The following MIA2 variants were observed in gnomAD, a reference collection of about 807,000 sequenced individuals.
MIA2 encodes MIA SH3 domain ER export factor 2.
In MIA2, 127 loss-of-function variants were observed where a neutral mutation model predicts 167.8. The observed-to-expected ratio is 0.76, with a 90% confidence interval of 0.66 to 0.88. The LOEUF is 0.88. Ranked by LOEUF, MIA2 falls within the 40% of genes least tolerant of loss-of-function variation. MIA2 has a pLI of 0.00. For missense variants in MIA2, 1,690 were observed against 1,624.7 expected (o/e 1.04, Z -0.69); for synonymous variants, 552 against 541.9 (o/e 1.02, Z -0.26).
intron 9 of MIA2, among the ~76,000 whole-genome samples, chr14:39,288,464 TATATATATA>T (rs1160520904): frequency 1.3e-4 from 4 of 30,400 alleles, no homozygotes; most frequent in African/African-American, 2.8e-4. Context: ...TATATATATA[TATATATATA>T]TATTTTTTTT....
chr14:39,305,501 G>A (rs1566841266), intron 17 of MIA2, among the ~76,000 whole-genome samples: 1 of 151,904 alleles, frequency 6.6e-6, no homozygotes. Context: ...ATCTAACTTT[G>A]TTTTTTTAAT....
At chr14:39,268,910 A>T in intron 6 of MIA2, 1 of 746,528 alleles carries the variant, frequency 1.3e-6, no homozygotes, top group Non-Finnish European at 1.6e-6. Context: ...TAGGGTTTTT[A>T]GAAAGAGAAG....
chr14:39,268,481 A>G (rs1374856650), intron 6 of MIA2, among the ~76,000 whole-genome samples: 1 of 152,152 alleles, frequency 6.6e-6, no homozygotes, highest in African/African-American at 2.4e-5. Flanking sequence ...CAAAGTAGAA[A>G]CTGATGAAGT....
At chr14:39,306,637 G>A (rs2063387394) in intron 17 of MIA2, among the ~76,000 whole-genome samples, 2 of 152,134 alleles carry the variant, frequency 1.3e-5, no homozygotes, top group African/African-American at 4.8e-5. Flanking sequence ...TATCATGAGG[G>A]TTTTAGAATA....
At chr14:39,267,553 C>T (rs1157864954) in intron 6 of MIA2, 1 of 1,608,862 alleles carries the variant, frequency 6.2e-7, no homozygotes, top group African/African-American at 1.3e-5. Context: ...TGTTACGTGG[C>T]CCAGGGGTCG....
chr14:39,259,640 C>T (rs1360347167), intron 6 of MIA2, among the ~76,000 whole-genome samples: 1 of 151,766 alleles, frequency 6.6e-6, no homozygotes, highest in South Asian at 2.1e-4. Flanking sequence ...AAGCAATCTT[C>T]CCACCTCAGG....
chr14:39,345,429 G>A (rs1239339320), intron 25 of MIA2, among the ~76,000 whole-genome samples: 1 of 152,126 alleles, frequency 6.6e-6, no homozygotes, highest in African/African-American at 2.4e-5. Flanking sequence ...ATTACTGAAA[G>A]TTTGACAATG....
chr14:39,240,759 A>C, intron 3 of MIA2, 112 bp downstream of exon 3: 1 of 644,760 alleles, frequency 1.6e-6, no homozygotes, highest in Non-Finnish European at 2.6e-6. Flanking sequence ...AATGCATAAA[A>C]TAGTTGGCCT....
chr14:39,303,401 A>T (rs1163220593), intron 15 of MIA2, 77 bp from the exon 16 acceptor site: 9 of 1,131,772 alleles, frequency 8.0e-6, no homozygotes, highest in South Asian at 7.9e-5. Context: ...TAGTGAACTG[A>T]TAAAATCATT....
At position 39,240,644 on chromosome 14, in the gene MIA2, G is replaced by C. The variant is rs566174013; in HGVS notation, c.333G>C (p.Thr111=). ...VFISEEIQMS[T]KESDFLCLLG... ...TATCTGAGGAAATTCAGATGTCAAC[G>C]AAAGTGAGTAAACTCATTCTCAGTT... Residue 111 remains threonine (T), a synonymous_variant, in exon 3 of 29, where the codon ACG becomes ACC. Coordinates refer to ENST00000640607, the MANE Select transcript of MIA2 (RefSeq NM_001329214.4). 6.2e-7 allele frequency: 1 copy of C among 1,605,160 alleles called. No homozygotes were observed. Among genetic ancestry groups the C allele is most frequent in the South Asian group, 1.1e-5 (1 of 90,440 alleles).
At chr14:39,263,853 C>T (rs1017116854) in intron 6 of MIA2, among the ~76,000 whole-genome samples, 7 of 152,014 alleles carry the variant, frequency 4.6e-5, no homozygotes, top group Non-Finnish European at 8.8e-5. Flanking sequence ...AGGCTGGTCT[C>T]GAACTCCTGA....
At chr14:39,385,961 G>A in intron 23 of MIA2, 2 of 816,144 alleles carry the variant, frequency 2.5e-6, no homozygotes, top group Non-Finnish European at 4.2e-6. Context: ...GGAGGACCAG[G>A]AGCCTGTCCG....
intron 1 of MIA2, among the ~76,000 whole-genome samples, chr14:39,235,104 C>T (rs975067625): frequency 2.6e-5 from 4 of 151,450 alleles, no homozygotes; most frequent in Non-Finnish European, 4.4e-5. Context: ...GGCACGATCT[C>T]GGCTCACTGC....
At chr14:39,285,476 A>AC (rs1250166691) in intron 9 of MIA2, among the ~76,000 whole-genome samples, 14 of 59,826 alleles carry the variant, frequency 2.3e-4, no homozygotes, top group African/African-American at 8.3e-4. Context: ...GCGGGGGCTG[A>AC]CCCCCCACCT....
rs2054363327 is a variant in MIA2, at chr14:39,247,479, C to T, written c.905C>T (p.Pro302Leu). The T allele has an allele frequency of 1.9e-6, 3 of 1,613,834 alleles. No individual in the cohort carries two copies. The highest frequency in any genetic ancestry group is 2.5e-6 in the Non-Finnish European group (3 of 1,179,914). ...SELASESEHI[P>L]KPQSTGWFGG... ...CTAGCATCTGAGTCAGAGCACATTC[C>T]CAAACCTCAATCCACTGGTTGGTTT... Residue 302 changes from proline (P) to leucine (L), a missense_variant, in exon 4 of 29, where the codon CCC (proline) becomes CTC (leucine). Transcript: ENST00000640607.
At chr14:39,349,557 C>T (rs2074096518) in intron 28 of MIA2, among the ~76,000 whole-genome samples, 1 of 152,140 alleles carries the variant, frequency 6.6e-6, no homozygotes, top group Non-Finnish European at 1.5e-5. Context: ...ATGTGGTTAC[C>T]AAATACTAGG....
intron 23 of MIA2, among the ~76,000 whole-genome samples, chr14:39,373,871 A>AG: frequency 6.6e-6 from 1 of 152,124 alleles, no homozygotes; most frequent in East Asian, 1.9e-4. Context: ...AAGAAAAAAA[A>AG]CAAACTCTGG....
At chr14:39,249,251 C>T (rs925527924) in intron 4 of MIA2, among the ~76,000 whole-genome samples, 35 of 152,100 alleles carry the variant, frequency 2.3e-4, no homozygotes, top group African/African-American at 7.2e-4. Context: ...ATCTATCCCT[C>T]GACCTCAGCC....
chr14:39,235,436 G>A (rs555549941), intron 1 of MIA2, among the ~76,000 whole-genome samples: 52 of 152,122 alleles, frequency 3.4e-4, no homozygotes, highest in Non-Finnish European at 6.3e-4. Context: ...TTAACTTTTT[G>A]GACATATAAT....
Sources: gnomAD v4.1 joint callset for allele counts (sites outside exome capture counted in the v4.1 genomes callset) on GRCh38, gnomAD v4.1.1 for gene constraint, MANE v1.5 for transcripts, NCBI Gene and HGNC (gene_info 2026-07-23, HGNC 2026-07-21) for gene names.